Variants in TRRAP observed in about 807,000 individuals in gnomAD.
The protein encoded by TRRAP is transformation/transcription domain associated protein.
TRRAP carries 41 observed loss-of-function variants against 438.8 expected under a neutral mutation model. That is an observed-to-expected ratio of 0.09 (90% CI 0.07 to 0.12). The LOEUF is 0.12. Among genes scored for constraint, TRRAP ranks in the 10% least tolerant of loss-of-function variants. TRRAP has a pLI of 1.00. For synonymous variants in TRRAP, 1,994 were observed against 1,962.9 expected (o/e 1.02, Z -0.42); for missense variants, 3,122 against 5,055.1 (o/e 0.62, Z 11.60).
At chr7:98,932,207 A>G (rs1375853191) in intron 26 of TRRAP, among the ~76,000 whole-genome samples, 4 of 151,690 alleles carry the variant, frequency 2.6e-5, no homozygotes, top group Non-Finnish European at 5.9e-5. Flanking sequence ...TCTGCCTCCC[A>G]GGTTCACGCC....
At chr7:98,992,848 C>T (rs1051034875) in intron 65 of TRRAP, among the ~76,000 whole-genome samples, 4 of 152,166 alleles carry the variant, frequency 2.6e-5, no homozygotes, top group African/African-American at 9.6e-5. Context: ...TGGTGAGAGG[C>T]GGTGGATGAG....
chr7:99,001,768 G>C (rs768849884), intron 67 of TRRAP, among the ~76,000 whole-genome samples: 1 of 152,196 alleles, frequency 6.6e-6, no homozygotes, highest in Non-Finnish European at 1.5e-5. Flanking sequence ...TGTCTGTAAA[G>C]AGGTGGAAGA....
intron 3 of TRRAP, among the ~76,000 whole-genome samples, chr7:98,889,920 T>G (rs1795892002): frequency 6.6e-6 from 1 of 152,158 alleles, no homozygotes; most frequent in Non-Finnish European, 1.5e-5. Flanking sequence ...TATAATATAA[T>G]TAGTATACAT....
At chr7:98,883,891 G>T (rs144981855) in intron 3 of TRRAP, among the ~76,000 whole-genome samples, 14 of 152,240 alleles carry the variant, frequency 9.2e-5, no homozygotes, top group Middle Eastern at 3.4e-3. Flanking sequence ...TATCTCCCTC[G>T]GAAGAATGTC....
rs142676060 is a variant in TRRAP at position 98,976,491 on chromosome 7, G to A, written c.7968G>A (p.Ala2656=). ...ILSDRQQHAL[A]GEISPFLCSG... ...ATGTGCTTTGGTTTCAGGCACTCGCGGGTGAGATAAGTCCATTTCTGTGCA... is the reference window on the plus strand; with the variant it reads ...ATGTGCTTTGGTTTCAGGCACTCGCAGGTGAGATAAGTCCATTTCTGTGCA... The change falls in exon 55 of 73, where the codon GCG becomes GCA. Residue 2656 remains alanine, a synonymous_variant. Transcript: ENST00000456197. This position sits in a 1 kb window ranked among gnomAD's most constrained non-coding sequence, Gnocchi z 4.6. 4.6e-5 allele frequency: 74 copies of A among 1,608,244 alleles called. No individual in the cohort carries two copies. The Middle Eastern group carries it at 5.0e-4, about 11-fold the overall frequency.
chr7:98,989,673 T>G (rs562644494), intron 63 of TRRAP, among the ~76,000 whole-genome samples: 1 of 152,360 alleles, frequency 6.6e-6, no homozygotes. Flanking sequence ...ACGCACTGCT[T>G]CAGTGCCTGG....
chr7:98,896,424 G>T (rs1005560619), intron 7 of TRRAP, among the ~76,000 whole-genome samples: 3 of 151,756 alleles, frequency 2.0e-5, no homozygotes, highest in Non-Finnish European at 2.9e-5. Flanking sequence ...TTGGCTGGGG[G>T]TGCGGGGGTA....
intron 51 of TRRAP, among the ~76,000 whole-genome samples, chr7:98,969,670 T>TAA (rs1322910396): frequency 7.0e-6 from 1 of 142,632 alleles, no homozygotes; most frequent in Non-Finnish European, 1.5e-5. Flanking sequence ...GGCAGGGGCT[T>TAA]CAGTACATCA....
chr7:98,972,065 T>A, intron 53 of TRRAP, 120 bp downstream of exon 53: 2 of 1,360,316 alleles, frequency 1.5e-6, no homozygotes, highest in Non-Finnish European at 1.9e-6. Flanking sequence ...CTTTTTGAGA[T>A]GGGATGTTGC....
At chr7:98,969,078 C>T (rs370179732) in intron 51 of TRRAP, among the ~76,000 whole-genome samples, 4 of 152,238 alleles carry the variant, frequency 2.6e-5, no homozygotes, top group Non-Finnish European at 5.9e-5. Context: ...CACTGGCCAC[C>T]GCCATCTCTC....
intron 39 of TRRAP, among the ~76,000 whole-genome samples, chr7:98,952,165 C>T (rs1248213773): frequency 6.6e-6 from 1 of 152,178 alleles, no homozygotes; most frequent in Non-Finnish European, 1.5e-5. Flanking sequence ...GGTTAGGATA[C>T]TTAGTTGAAT....
chr7:98,927,251 G>C lies in TRRAP; in HGVS notation c.3060G>C (p.Gln1020His). ...QDTPARKTFE[Q>H]ALTGAFMSAV... is the part of the protein sequence containing the mutation. ...CTCCAGCCCGGAAGACTTTTGAGCA[G>C]GCCCTGACAGGCGCCTTCATGTCTG... is the stretch of plus-strand genomic sequence containing the variant. Residue 1020 changes from glutamine (Q) to histidine (H), a missense_variant, in exon 23 of 73, where the codon CAG becomes CAC. Transcript: ENST00000456197. 1 of 1,614,206 alleles carries C rather than the reference G, an allele frequency of 6.2e-7. No homozygotes were observed. The highest frequency in any genetic ancestry group is 1.1e-5 in the South Asian group (1 of 91,082).
Position 98,970,098 on chromosome 7 carries a change from C to G in TRRAP, c.7513-14C>G. 1 of 1,612,854 alleles carries G rather than the reference C, an allele frequency of 6.2e-7. No individual in the cohort carries two copies. Among genetic ancestry groups the G allele is most frequent in the South Asian group, 1.1e-5 (1 of 91,006 alleles). On this transcript the variant is annotated splice_polypyrimidine_tract_variant and intron_variant, in intron 51 of 72. Transcript: ENST00000456197. ...GCATGCCTTGGGTCTGTCTCCTTTC[C>G]GCACCCCTTGCAGCTGCTTCTGGCC...
intron 3 of TRRAP, among the ~76,000 whole-genome samples, chr7:98,883,334 A>C (rs1170787902): frequency 6.6e-6 from 1 of 152,092 alleles, no homozygotes; most frequent in African/African-American, 2.4e-5. Context: ...TTGGTTCTTC[A>C]TACATTTCAT....
chr7:98,936,888 A>G (rs1554414376), intron 28 of TRRAP, among the ~76,000 whole-genome samples: 1 of 152,184 alleles, frequency 6.6e-6, no homozygotes, highest in Non-Finnish European at 1.5e-5. Context: ...ACACTAGGAA[A>G]GAGGGCTCGT....
intron 69 of TRRAP, among the ~76,000 whole-genome samples, chr7:99,007,711 C>T (rs1056495611): frequency 1.3e-5 from 2 of 151,820 alleles, no homozygotes; most frequent in East Asian, 1.9e-4. Context: ...TGCAGTGGCG[C>T]AGTCACAGCT....
In TRRAP at chr7:99,010,479, G is replaced by A. The variant is rs77523084; in HGVS notation, c.10939-573G>A. Among the ~76,000 whole-genome samples the A allele has an allele frequency of 1.3e-3, 196 of 152,322 alleles. 1 individual carries two copies. The highest frequency in any genetic ancestry group is 4.6e-3 in the African/African-American group (192 of 41,584). On this transcript the variant is annotated intron_variant, in intron 70 of 72. Transcript: ENST00000456197. ...CCACAGAGCACGTGGGTAGGACTAAGCTGGGAAAAGACCCCGTAGATGGCC... is the reference window on the plus strand; with the variant it reads ...CCACAGAGCACGTGGGTAGGACTAAACTGGGAAAAGACCCCGTAGATGGCC...
Position 98,927,354 on chromosome 7 carries a change from G to A in TRRAP, c.3163G>A (p.Ala1055Thr), listed in dbSNP as rs782555411. The A allele has an allele frequency of 6.8e-6, 11 of 1,614,066 alleles. No individual in the cohort carries two copies. The highest frequency in any genetic ancestry group is 3.3e-5 in the South Asian group (3 of 91,086). ...LIRHYTMVAV[A>T]QQCGPFLLPC... ...CCGCCACTATACGATGGTGGCAGTCGCCCAGCAGTGTGGTGAGCACGGGGG... is the reference window on the plus strand; with the variant it reads ...CCGCCACTATACGATGGTGGCAGTCACCCAGCAGTGTGGTGAGCACGGGGG... The change falls in exon 23 of 73, where the codon GCC becomes ACC. Residue 1055 changes from alanine (A) to threonine (T), a missense_variant. Around this residue, in one of 24 missense-constraint regions of TRRAP, gnomAD observed 54 missense variants for 74.6 expected, o/e 0.72. Coordinates refer to ENST00000456197, the MANE Select transcript of TRRAP (RefSeq NM_001375524.1).
intron 53 of TRRAP, among the ~76,000 whole-genome samples, chr7:98,972,898 T>G (rs935703183): frequency 2.0e-5 from 3 of 152,216 alleles, no homozygotes; most frequent in African/African-American, 7.2e-5. Context: ...AAAATGCTTT[T>G]CTGTGGGATG....
Sources: allele counts gnomAD v4.1 joint callset (sites outside exome capture counted in the v4.1 genomes callset), GRCh38; gene constraint gnomAD v4.1.1; regional missense constraint gnomAD v4.1.1; non-coding constraint Gnocchi (gnomAD v3.1); transcripts MANE v1.5; gene names NCBI Gene and HGNC (gene_info 2026-07-23, HGNC 2026-07-21).